RIC8B: variants seen among roughly 807,000 people sequenced by gnomAD.
The protein encoded by RIC8B is RIC8 guanine nucleotide exchange factor B.
In RIC8B, 16 loss-of-function variants were observed where a neutral mutation model predicts 57.5. The observed-to-expected ratio is 0.28, with a 90% CI of 0.19 to 0.42. The LOEUF (loss-of-function observed/expected upper bound fraction) is 0.42. RIC8B is among the 10% of genes least tolerant of loss of function. The probability of loss-of-function intolerance (pLI) is 1.00; values close to 1 mark genes in which losing one functional copy is unlikely to be tolerated. For synonymous variants in RIC8B, 216 were observed against 250.8 expected (o/e 0.86, Z 1.31); for missense variants, 481 against 677.0 (o/e 0.71, Z 3.21).
chr12:106,842,459 A>G, intron 4 of RIC8B, 130 bp from the exon 5 acceptor site: 1 of 668,028 alleles, frequency 1.5e-6, no homozygotes, highest in Non-Finnish European at 2.5e-6. Flanking sequence ...AGTGTCCATA[A>G]TGGCTCATTT....
At chr12:106,885,581 A>G (rs1385733761) in intron 9 of RIC8B, among the ~76,000 whole-genome samples, 1 of 151,916 alleles carries the variant, frequency 6.6e-6, no homozygotes, top group East Asian at 1.9e-4. Flanking sequence ...TCCACCAAAA[A>G]AAAAAAAAAA....
chr12:106,804,254 G>A (rs150181736), intron 2 of RIC8B, among the ~76,000 whole-genome samples: 2,762 of 142,726 alleles, frequency 0.019, 46 homozygotes, highest in African/African-American at 0.05. Context: ...TCGCTCTGTC[G>A]CCCAGGCTGG....
intron 9 of RIC8B, among the ~76,000 whole-genome samples, chr12:106,871,982 A>G (rs1187445018): frequency 6.6e-6 from 1 of 152,222 alleles, no homozygotes; most frequent in Non-Finnish European, 1.5e-5. Context: ...GCTGCAGAGT[A>G]TGATGCTGGT....
chr12:106,808,098 A>G (rs1241360752), intron 2 of RIC8B, among the ~76,000 whole-genome samples: 1 of 152,092 alleles, frequency 6.6e-6, no homozygotes, highest in Non-Finnish European at 1.5e-5. Flanking sequence ...AAAAAAAAAA[A>G]AAATTAGGGG....
Position 106,851,532 on chromosome 12 carries a change from A to G in RIC8B, c.1244A>G (p.His415Arg). The part of the protein sequence containing the change: ...VRNKLVRLMT[H>R]VDLGVKQIAA... Reference sequence around the variant, plus strand: ...AATAAGCTGGTGCGCCTCATGACACATGTTGACCTTGGAGTCAAGCAAATT... The same window carrying G: ...AATAAGCTGGTGCGCCTCATGACACGTGTTGACCTTGGAGTCAAGCAAATT... The change falls in exon 7 of 10, where the codon CAT becomes CGT. Residue 415 changes from histidine to arginine, a missense_variant. Coordinates refer to ENST00000392837, the MANE Select transcript of RIC8B (RefSeq NM_001330145.2). 1.9e-6 allele frequency: 3 copies of G among 1,613,490 alleles called. No homozygotes were observed. The highest frequency in any genetic ancestry group is 2.5e-6 in the Non-Finnish European group (3 of 1,179,906).
chr12:106,809,747 T>C (rs2045247946), intron 2 of RIC8B, among the ~76,000 whole-genome samples: 1 of 152,122 alleles, frequency 6.6e-6, no homozygotes, highest in African/African-American at 2.4e-5. Flanking sequence ...ATGTGATACT[T>C]TGACACAAGT....
intron 9 of RIC8B, among the ~76,000 whole-genome samples, chr12:106,875,154 G>GTAAAT (rs1274698297): frequency 6.6e-6 from 1 of 152,108 alleles, no homozygotes; most frequent in Non-Finnish European, 1.5e-5. Context: ...TTTGAGCCAT[G>GTAAAT]ACTGGCTTAT....
intron 4 of RIC8B, among the ~76,000 whole-genome samples, chr12:106,832,055 C>G (rs759713802): frequency 6.6e-6 from 1 of 152,074 alleles, no homozygotes; most frequent in Non-Finnish European, 1.5e-5. Flanking sequence ...AATCCTTTTC[C>G]CAGATCTTTA....
At chr12:106,786,099 C>G (rs556902622) in intron 2 of RIC8B, among the ~76,000 whole-genome samples, 92 of 150,426 alleles carry the variant, frequency 6.1e-4, no homozygotes, top group Non-Finnish European at 1.0e-3. Context: ...TCCTACAGCC[C>G]TAGGATCACA....
intron 6 of RIC8B, among the ~76,000 whole-genome samples, chr12:106,847,857 T>G (rs1453920422): frequency 6.6e-6 from 1 of 152,248 alleles, no homozygotes; most frequent in Non-Finnish European, 1.5e-5. Context: ...TAATTCATTT[T>G]TCCTTCAACC....
At chr12:106,805,746 A>G (rs924358523) in intron 2 of RIC8B, among the ~76,000 whole-genome samples, 2 of 152,180 alleles carry the variant, frequency 1.3e-5, no homozygotes, top group African/African-American at 4.8e-5. Context: ...GATTAATTCC[A>G]GACTCTTCAT....
chr12:106,818,770 T>C (rs2045704198), intron 3 of RIC8B, among the ~76,000 whole-genome samples: 1 of 152,078 alleles, frequency 6.6e-6, no homozygotes, highest in Admixed American at 6.5e-5. Flanking sequence ...TTGGTGTGTA[T>C]CTTTCTTTTT....
At chr12:106,789,437 A>G (rs146378442) in intron 2 of RIC8B, among the ~76,000 whole-genome samples, 356 of 152,192 alleles carry the variant, frequency 2.3e-3, no homozygotes, top group African/African-American at 7.9e-3. Context: ...ATACTAGTCC[A>G]TTTTCACACG....
At chr12:106,829,906 T>C (rs991896080) in intron 4 of RIC8B, among the ~76,000 whole-genome samples, 3 of 152,212 alleles carry the variant, frequency 2.0e-5, no homozygotes, top group Non-Finnish European at 4.4e-5. Context: ...ATTTATGATC[T>C]GTAGTCTCAT....
chr12:106,832,996 T>C (rs2046422904), intron 4 of RIC8B, among the ~76,000 whole-genome samples: 1 of 152,088 alleles, frequency 6.6e-6, no homozygotes, highest in Non-Finnish European at 1.5e-5. Flanking sequence ...ATCTATCCCT[T>C]TTGTGAGGAA....
At chr12:106,782,139 T>C (rs2043794784) in intron 1 of RIC8B, among the ~76,000 whole-genome samples, 1 of 152,234 alleles carries the variant, frequency 6.6e-6, no homozygotes, top group South Asian at 2.1e-4. Context: ...GAATATATTA[T>C]GTATAATAGA....
At chr12:106,857,902 A>G (rs1462931665) in intron 7 of RIC8B, among the ~76,000 whole-genome samples, 1 of 152,134 alleles carries the variant, frequency 6.6e-6, no homozygotes, top group East Asian at 1.9e-4. Context: ...TGTGATTTTA[A>G]AACTCTTGGC....
At chr12:106,825,541 T>C (rs1757897933) in intron 3 of RIC8B, among the ~76,000 whole-genome samples, 185 bp from the exon 4 acceptor site, 1 of 152,206 alleles carries the variant, frequency 6.6e-6, no homozygotes, top group African/African-American at 2.4e-5. Flanking sequence ...GAAGTGGTTA[T>C]GGTTGTTCAT....
At chr12:106,835,028 C>T (rs1432797488) in intron 4 of RIC8B, among the ~76,000 whole-genome samples, 1 of 149,920 alleles carries the variant, frequency 6.7e-6, no homozygotes, top group African/African-American at 2.4e-5. Context: ...CTTTTCTTCC[C>T]ACACCCAGTA....
Sources: allele counts gnomAD v4.1 joint callset (sites outside exome capture counted in the v4.1 genomes callset), GRCh38; gene constraint gnomAD v4.1.1; transcripts MANE v1.5; gene names NCBI Gene and HGNC (gene_info 2026-07-23, HGNC 2026-07-21).